Variants in NSUN6 observed in about 807,000 individuals in gnomAD.
NSUN6 encodes tRNA (cytosine(72)-C(5))-methyltransferase NSUN6.
In NSUN6, 64 loss-of-function variants were observed where a neutral mutation model predicts 58.0. The ratio of observed to expected loss-of-function variants is 1.10; its 90% CI spans 0.90 to 1.36. The LOEUF (loss-of-function observed/expected upper bound fraction) is 1.36. NSUN6 is among the 40% of genes most tolerant of loss of function. The pLI, the probability that NSUN6 is intolerant of heterozygous loss-of-function variation, is 0.00. For missense variants in NSUN6, 701 were observed against 550.1 expected, an observed-to-expected ratio of 1.27 and a Z score of -2.74; for synonymous variants, 231 against 193.9, an observed-to-expected ratio of 1.19 and a Z score of -1.59.
chr10:18,551,341 A>G (rs1432032869), intron 9 of NSUN6, among the ~76,000 whole-genome samples: 5 of 150,890 alleles, frequency 3.3e-5, no homozygotes, highest in Non-Finnish European at 5.9e-5. Flanking sequence ...TTTTAAGTCA[A>G]TAATGACATT....
At chr10:18,625,504 G>C (rs1389068273) in intron 3 of NSUN6, among the ~76,000 whole-genome samples, 1 of 151,932 alleles carries the variant, frequency 6.6e-6, no homozygotes, top group Non-Finnish European at 1.5e-5. Context: ...CCCGATTCAA[G>C]AGTTTGAAGA....
At chr10:18,612,917 G>A (rs972440081) in intron 5 of NSUN6, among the ~76,000 whole-genome samples, 4 of 152,108 alleles carry the variant, frequency 2.6e-5, no homozygotes, top group African/African-American at 9.7e-5. Context: ...AGAAAGCAAA[G>A]GACTCAAATT....
intron 7 of NSUN6, among the ~76,000 whole-genome samples, chr10:18,593,191 A>G (rs916009178): frequency 2.6e-5 from 4 of 152,232 alleles, no homozygotes; most frequent in Admixed American, 2.6e-4. Flanking sequence ...GCGATTAAAA[A>G]GTCAGGAAAC....
intron 7 of NSUN6, among the ~76,000 whole-genome samples, chr10:18,592,763 G>A (rs2057426557): frequency 6.6e-6 from 1 of 152,154 alleles, no homozygotes; most frequent in African/African-American, 2.4e-5. Context: ...AACCCTAGAA[G>A]AAAACCTAGG....
intron 7 of NSUN6, 134 bp downstream of exon 7, chr10:18,596,074 T>C (rs1398126909): frequency 1.5e-6 from 1 of 679,212 alleles, no homozygotes; most frequent in African/African-American, 1.8e-5. Context: ...ATGTAGTGAC[T>C]GACATAACTG....
chr10:18,653,305 A>G (rs1279249697), upstream of NSUN6: 1 of 981,902 alleles, frequency 1.0e-6, no homozygotes, highest in African/African-American at 1.7e-5. Context: ...TGGAAAGAAA[A>G]TGCTGATAAA....
intron 8 of NSUN6, among the ~76,000 whole-genome samples, chr10:18,557,573 G>A (rs974472736): frequency 2.7e-5 from 4 of 149,618 alleles, no homozygotes; most frequent in African/African-American, 9.8e-5. Context: ...ATGGACAGTG[G>A]AATGAATGGA....
At chr10:18,647,628 G>A (rs1257316402) in intron 2 of NSUN6, among the ~76,000 whole-genome samples, 1 of 151,574 alleles carries the variant, frequency 6.6e-6, no homozygotes, top group Non-Finnish European at 1.5e-5. Context: ...TTTATTGGTT[G>A]GGTAAAAAAA....
intron 8 of NSUN6, among the ~76,000 whole-genome samples, chr10:18,576,188 C>A (rs1485647254): frequency 6.6e-6 from 1 of 152,096 alleles, no homozygotes; most frequent in Non-Finnish European, 1.5e-5. Flanking sequence ...TGCTCTATTG[C>A]TGACCATCTA....
At chr10:18,590,031 C>T (rs554776320) in intron 7 of NSUN6, among the ~76,000 whole-genome samples, 111 of 152,106 alleles carry the variant, frequency 7.3e-4, no homozygotes, top group Non-Finnish European at 1.2e-3. Flanking sequence ...TGCAAAGACA[C>T]ACACAGGCTC....
intron 3 of NSUN6, among the ~76,000 whole-genome samples, chr10:18,628,097 C>A (rs1267326282): frequency 6.6e-6 from 1 of 152,220 alleles, no homozygotes; most frequent in African/African-American, 2.4e-5. Flanking sequence ...GTCCCTGACC[C>A]CTGACCCCTG....
At chr10:18,624,742 C>A (rs1356019272) in intron 3 of NSUN6, among the ~76,000 whole-genome samples, 1 of 150,162 alleles carries the variant, frequency 6.7e-6, no homozygotes, top group Non-Finnish European at 1.5e-5. Flanking sequence ...AAGTAACAGG[C>A]TTGAGACTGC....
chr10:18,593,524 G>C (rs1192202903), intron 7 of NSUN6, among the ~76,000 whole-genome samples: 1 of 152,162 alleles, frequency 6.6e-6, no homozygotes, highest in Admixed American at 6.5e-5. Context: ...ATACTAAGCA[G>C]CCATAAAAAT....
intron 6 of NSUN6, among the ~76,000 whole-genome samples, chr10:18,603,266 A>C (rs574475535): frequency 6.6e-6 from 1 of 152,272 alleles, no homozygotes; most frequent in South Asian, 2.1e-4. Flanking sequence ...GTCTCAAAAA[A>C]ATAAAATACA....
chr10:18,589,349 G>T (rs796888835), intron 7 of NSUN6, among the ~76,000 whole-genome samples: 8 of 152,186 alleles, frequency 5.3e-5, no homozygotes, highest in African/African-American at 1.9e-4. Flanking sequence ...CACACTTTAG[G>T]ATATCATCCA....
chr10:18,632,027 A>G (rs2059048763), intron 3 of NSUN6, among the ~76,000 whole-genome samples: 1 of 151,322 alleles, frequency 6.6e-6, no homozygotes, highest in African/African-American at 2.4e-5. Flanking sequence ...ACAGTAACCA[A>G]AACAGCATGG....
In NSUN6 at chr10:18,636,283, A is replaced by T. The variant is rs144977420; in HGVS notation, c.311+6193T>A. ...TAAGAAATGAGAAATAAACTGTGCC[A>T]TAAGGACTGAAAGTAAGCACTGCAT... On this transcript the variant is annotated intron_variant, in intron 3 of 10. Coordinates refer to ENST00000377304, the MANE Select transcript of NSUN6 (RefSeq NM_182543.5). Among the ~76,000 whole-genome samples, 47 of 152,054 alleles carry T rather than the reference A, an allele frequency of 3.1e-4. 1 individual carries two copies. In the East Asian group the frequency reaches 9.0e-3, roughly 29 times the overall value.
At chr10:18,574,947 T>C (rs1011111620) in intron 8 of NSUN6, among the ~76,000 whole-genome samples, 56 of 152,252 alleles carry the variant, frequency 3.7e-4, no homozygotes, top group African/African-American at 8.7e-4. Flanking sequence ...CAGTCTGTTG[T>C]ATCTTCTGAA....
rs749549320 is a variant in NSUN6 at position 18,546,127 on chromosome 10, C to T, written c.1216G>A (p.Glu406Lys). 6.2e-7 allele frequency: 1 copy of T among 1,613,024 alleles called. No individual in the cohort carries two copies. The highest frequency in any genetic ancestry group is 8.5e-7 in the Non-Finnish European group (1 of 1,179,042). The change falls in exon 11 of 11, where the codon GAA becomes AAA. Residue 406 changes from glutamate (E) to lysine (K), a missense_variant. By Grantham distance (56) the Glu-to-Lys change is moderately conservative. Transcript: ENST00000377304. ...GAGAGCCCAGCTCCCCTCATTCCTT[C>T]TCCTCCAATCTGCGGTTCCTGTTTG... ...LQPQEPQIGG[E>K]GMRGAGLSCE... is the part of the protein sequence containing the mutation.
Sources: gnomAD v4.1 joint callset for allele counts (sites outside exome capture counted in the v4.1 genomes callset) on GRCh38, gnomAD v4.1.1 for gene constraint, MANE v1.5 for transcripts, NCBI Gene and HGNC (gene_info 2026-07-23, HGNC 2026-07-21) for gene names.